The following MBNL2 variants were observed in gnomAD, a reference collection of about 807,000 sequenced individuals.
MBNL2 encodes muscleblind like splicing regulator 2.
Under a neutral mutation model 41.9 loss-of-function variants are expected in MBNL2, and 17 were observed. That is an observed-to-expected ratio of 0.41 (90% CI 0.28 to 0.61). MBNL2 has a LOEUF of 0.61. MBNL2 is among the 20% of genes least tolerant of loss of function. MBNL2 has a pLI of 0.35. For missense variants in MBNL2, 336 were observed against 505.6 expected, an observed-to-expected ratio of 0.66 and a Z score of 3.22; for synonymous variants, 195 against 182.9, an observed-to-expected ratio of 1.07 and a Z score of -0.53.
intron 2 of MBNL2, among the ~76,000 whole-genome samples, chr13:97,285,434 T>C (rs1277459938): frequency 6.6e-6 from 1 of 152,240 alleles, no homozygotes; most frequent in East Asian, 1.9e-4. Context: ...GAGGAGCTCA[T>C]GACCCCTTTA....
the MBNL2 span, among the ~76,000 whole-genome samples, chr13:97,203,718 T>A: frequency 6.6e-6 from 1 of 152,222 alleles, no homozygotes; most frequent in African/African-American, 2.4e-5. Context: ...TCATCATTTT[T>A]AAATACTCTA....
chr13:97,211,952 C>A, the MBNL2 span, among the ~76,000 whole-genome samples: 1 of 151,922 alleles, frequency 6.6e-6, no homozygotes. Context: ...AAAGAGATAG[C>A]AGTATTTTGG....
intron 4 of MBNL2, among the ~76,000 whole-genome samples, chr13:97,344,659 T>C (rs775364185): frequency 1.3e-5 from 2 of 152,228 alleles, no homozygotes; most frequent in African/African-American, 2.4e-5. Flanking sequence ...TTTGAAAAGA[T>C]CCAGCCTACC....
At chr13:97,218,440 C>CAAAACCAAAA (rs55815508), upstream of MBNL2, among the ~76,000 whole-genome samples, 1 of 117,974 alleles carries the variant, frequency 8.5e-6, no homozygotes, top group Non-Finnish European at 1.7e-5. Context: ...CAAAACAAAA[C>CAAAACCAAAA]AAAAAAAAAA....
At chr13:97,233,202 G>A (rs1162249824) in intron 1 of MBNL2, among the ~76,000 whole-genome samples, 5 of 112,012 alleles carry the variant, frequency 4.5e-5, no homozygotes, top group Admixed American at 1.1e-4. Flanking sequence ...TAAGTTCTAG[G>A]GTACATGTGC....
At position 97,343,900 on chromosome 13, in the gene MBNL2, G is replaced by A. The variant is rs530347022; in HGVS notation, c.540+684G>A. On this transcript the variant is annotated intron_variant, in intron 4 of 8. Transcript: ENST00000679496. ...TGGCTCACCACAACCTCCTCTGCCCGGGTTCAAGTGATTCTCCTGCCTCAG... is the reference window on the plus strand; with the variant it reads ...TGGCTCACCACAACCTCCTCTGCCCAGGTTCAAGTGATTCTCCTGCCTCAG... Among the ~76,000 whole-genome samples the A allele has an allele frequency of 2.8e-4, 43 of 152,250 alleles. No individual in the cohort carries two copies. The South Asian group carries it at 3.9e-3, about 14-fold the overall frequency.
chr13:97,355,190 G>A (rs536580080), intron 5 of MBNL2, among the ~76,000 whole-genome samples: 9 of 152,106 alleles, frequency 5.9e-5, no homozygotes, highest in South Asian at 2.1e-4. Context: ...CATGTTATTC[G>A]ATGACTCCGA....
At chr13:97,347,715 G>A (rs148819020) in intron 5 of MBNL2, among the ~76,000 whole-genome samples, 2 of 152,238 alleles carry the variant, frequency 1.3e-5, no homozygotes, top group African/African-American at 2.4e-5. Context: ...TCACCCTACT[G>A]TCATTAGAGA....
At chr13:97,320,259 G>GTCTT (rs1314819439) in intron 2 of MBNL2, among the ~76,000 whole-genome samples, 2 of 142,662 alleles carry the variant, frequency 1.4e-5, no homozygotes, top group Non-Finnish European at 3.0e-5. Flanking sequence ...CTCTGGAAGG[G>GTCTT]TCTTTTTTTT....
intron 1 of MBNL2, among the ~76,000 whole-genome samples, chr13:97,253,553 A>G (rs2046972395): frequency 6.6e-6 from 1 of 152,160 alleles, no homozygotes; most frequent in Non-Finnish European, 1.5e-5. Flanking sequence ...GATCCTTTTC[A>G]TTCATTACCA....
chr13:97,159,256 T>C, the MBNL2 span, among the ~76,000 whole-genome samples: 2 of 151,636 alleles, frequency 1.3e-5, no homozygotes, highest in East Asian at 1.9e-4. Context: ...TCGGTAGATC[T>C]TCCTCCATCC....
chr13:97,216,986 T>C (rs1256720313), upstream of MBNL2, among the ~76,000 whole-genome samples: 2 of 148,670 alleles, frequency 1.3e-5, no homozygotes, highest in Non-Finnish European at 3.0e-5. Flanking sequence ...TAATACATAA[T>C]ATATACGTAA....
rs150257235 is a variant in MBNL2, at chr13:97,265,215, G to T, written c.-604-10417G>T. Among the ~76,000 whole-genome samples, 297 of 152,194 alleles carry T rather than the reference G, an allele frequency of 2.0e-3. 1 individual carries two copies. The highest frequency in any genetic ancestry group is 6.8e-3 in the African/African-American group (281 of 41,538). Reference sequence around the variant, plus strand: ...TGGAAATTTTTGCATGTTAAAATGAGCCCTGGATTTTATGACTTTTTCACT... The same window carrying T: ...TGGAAATTTTTGCATGTTAAAATGATCCCTGGATTTTATGACTTTTTCACT... On this transcript the variant is annotated intron_variant, in intron 1 of 8. Coordinates refer to ENST00000679496, the MANE Select transcript of MBNL2 (RefSeq NM_001382683.1).
the MBNL2 span, among the ~76,000 whole-genome samples, chr13:97,188,063 T>G: frequency 6.6e-6 from 1 of 152,192 alleles, no homozygotes; most frequent in Non-Finnish European, 1.5e-5. Flanking sequence ...AAGGCTGTTT[T>G]AGGTTTCAGA....
chr13:97,145,563 G>A, the MBNL2 span, among the ~76,000 whole-genome samples: 2 of 152,326 alleles, frequency 1.3e-5, no homozygotes, highest in Non-Finnish European at 2.9e-5. Context: ...GGGCCTTGAT[G>A]TTAACTGCAT....
intron 2 of MBNL2, among the ~76,000 whole-genome samples, chr13:97,331,628 T>C (rs901734461): frequency 1.1e-4 from 16 of 152,198 alleles, no homozygotes; most frequent in Admixed American, 5.9e-4. Flanking sequence ...TTACCAGTTA[T>C]ATATGGCCTT....
intron 1 of MBNL2, among the ~76,000 whole-genome samples, chr13:97,265,264 T>TG (rs1177050433): frequency 1.3e-5 from 2 of 152,170 alleles, no homozygotes; most frequent in Admixed American, 6.5e-5. Context: ...ATAAGATACA[T>TG]GAAAAAAAAG....
At chr13:97,301,809 G>A (rs940580515) in intron 2 of MBNL2, among the ~76,000 whole-genome samples, 3 of 152,176 alleles carry the variant, frequency 2.0e-5, no homozygotes, top group Non-Finnish European at 4.4e-5. Context: ...AGCAAATGCT[G>A]ACCAAGAGTC....
At position 97,347,052 on chromosome 13, in the gene MBNL2, C is replaced by A. The variant is rs373855683; in HGVS notation, c.789C>A (p.Ala263=). ...CGGTGGCCGCCCAGGCAGCCGCGGC[C>A]GCGGCCACAGTCATGGTAAGTGCGG... The part of the protein sequence containing the change: ...QAAVAAQAAA[A]AATVMTQSTA... The change falls in exon 5 of 9, where the codon GCC becomes GCA. Residue 263 remains alanine (A), a synonymous_variant. Coordinates refer to ENST00000679496, the MANE Select transcript of MBNL2 (RefSeq NM_001382683.1). 1,315 of 1,602,792 alleles carry A rather than the reference C, an allele frequency of 8.2e-4. 2 individuals carry two copies. The highest frequency in any genetic ancestry group is 1.1e-3 in the Non-Finnish European group (1,250 of 1,175,534).
Sources: gnomAD v4.1 joint callset for allele counts (sites outside exome capture counted in the v4.1 genomes callset) on GRCh38, gnomAD v4.1.1 for gene constraint, MANE v1.5 for transcripts, NCBI Gene and HGNC (gene_info 2026-07-23, HGNC 2026-07-21) for gene names.